FBXL7: variants seen among roughly 807,000 people sequenced by gnomAD.
The protein encoded by FBXL7 is F-box and leucine rich repeat protein 7, also known as F-box/LRR-repeat protein 7.
Under a neutral mutation model 38.3 loss-of-function variants are expected in FBXL7, and 12 were observed. The ratio of observed to expected loss-of-function variants is 0.31; its 90% CI spans 0.20 to 0.51. FBXL7 has a LOEUF of 0.51. Among genes scored for constraint, FBXL7 ranks in the 20% least tolerant of loss-of-function variants. The pLI, the probability that FBXL7 is intolerant of heterozygous loss-of-function variation, is 0.98. For synonymous variants in FBXL7, 297 were observed against 300.9 expected (o/e 0.99, Z 0.13); for missense variants, 567 against 676.4 (o/e 0.84, Z 1.79).
chr5:15,521,593 G>A (rs1737097942), intron 1 of FBXL7, among the ~76,000 whole-genome samples: 1 of 152,092 alleles, frequency 6.6e-6, no homozygotes, highest in South Asian at 2.1e-4. Flanking sequence ...TTTCACTTTG[G>A]GAAACAGAAA....
chr5:15,882,933 A>G (rs1418719396), intron 2 of FBXL7, among the ~76,000 whole-genome samples: 2 of 149,778 alleles, frequency 1.3e-5, no homozygotes, highest in Non-Finnish European at 3.0e-5. Flanking sequence ...TTATAAATTA[A>G]ATGTATTTTC....
At chr5:15,883,623 G>C (rs1372528068) in intron 2 of FBXL7, among the ~76,000 whole-genome samples, 3 of 152,276 alleles carry the variant, frequency 2.0e-5, no homozygotes, top group Admixed American at 6.5e-5. Context: ...GTGATCATAG[G>C]TACATTCCCT....
chr5:15,527,992 C>T (rs886804263), intron 1 of FBXL7, among the ~76,000 whole-genome samples: 4 of 152,204 alleles, frequency 2.6e-5, no homozygotes, highest in Admixed American at 2.6e-4. Flanking sequence ...AGTTGACCAT[C>T]AGAAACAATA....
At chr5:15,669,440 G>A (rs1044578665) in intron 2 of FBXL7, among the ~76,000 whole-genome samples, 2 of 152,182 alleles carry the variant, frequency 1.3e-5, no homozygotes, top group Non-Finnish European at 2.9e-5. Flanking sequence ...GCTGAGCGTG[G>A]CCAATGATTG....
chr5:15,927,819 G>C, intron 2 of FBXL7, 71 bp from the exon 3 acceptor site: 1 of 974,356 alleles, frequency 1.0e-6, no homozygotes. Flanking sequence ...AAAGAAACCA[G>C]TGCTTTTGCT....
chr5:15,773,398 C>CT (rs1187077762), intron 2 of FBXL7, among the ~76,000 whole-genome samples: 1 of 152,076 alleles, frequency 6.6e-6, no homozygotes, highest in South Asian at 2.1e-4. Context: ...AATCCCAGCA[C>CT]TTTGGGAGGC....
intron 1 of FBXL7, among the ~76,000 whole-genome samples, chr5:15,513,606 T>C (rs1368933076): frequency 6.6e-6 from 1 of 152,212 alleles, no homozygotes; most frequent in African/African-American, 2.4e-5. Flanking sequence ...ATGTGATGTC[T>C]CATTGGTGGA....
chr5:15,822,390 T>C (rs1230754490), intron 2 of FBXL7, among the ~76,000 whole-genome samples: 1 of 151,712 alleles, frequency 6.6e-6, no homozygotes, highest in Non-Finnish European at 1.5e-5. Context: ...AAAAGAAACA[T>C]GCAAAAGTGG....
chr5:15,771,305 G>C (rs1736723238), intron 2 of FBXL7, among the ~76,000 whole-genome samples: 1 of 152,158 alleles, frequency 6.6e-6, no homozygotes, highest in Non-Finnish European at 1.5e-5. Flanking sequence ...TGCCTGCCTT[G>C]AAATGGAAAT....
chr5:15,564,565 G>A (rs1738509898), intron 1 of FBXL7, among the ~76,000 whole-genome samples: 1 of 151,826 alleles, frequency 6.6e-6, no homozygotes, highest in Non-Finnish European at 1.5e-5. Flanking sequence ...AAATGAAAAA[G>A]GAGTAAAAAA....
intron 2 of FBXL7, among the ~76,000 whole-genome samples, chr5:15,687,574 A>G (rs1743052068): frequency 2.0e-5 from 3 of 152,216 alleles, no homozygotes; most frequent in African/African-American, 2.4e-5. Flanking sequence ...TATAATAACA[A>G]TAACTACCAT....
chr5:15,765,980 G>A (rs36139170), intron 2 of FBXL7, among the ~76,000 whole-genome samples: 17,929 of 152,090 alleles, frequency 0.12, 1,114 homozygotes, highest in South Asian at 0.16. Context: ...CCCATAGTCT[G>A]TGGGACCTGA....
intron 2 of FBXL7, among the ~76,000 whole-genome samples, chr5:15,645,653 C>T (rs796993104): frequency 5.3e-5 from 8 of 152,324 alleles, no homozygotes; most frequent in African/African-American, 1.9e-4. Context: ...TCTGAATTAA[C>T]TGAGACCTGT....
chr5:15,566,663 T>C (rs1738582231), intron 1 of FBXL7, among the ~76,000 whole-genome samples: 1 of 152,176 alleles, frequency 6.6e-6, no homozygotes, highest in African/African-American at 2.4e-5. Context: ...AGAAGCATAT[T>C]TTATCGCAAA....
chr5:15,807,837 A>C (rs1341969858), intron 2 of FBXL7, among the ~76,000 whole-genome samples: 2 of 152,174 alleles, frequency 1.3e-5, no homozygotes, highest in Non-Finnish European at 2.9e-5. Context: ...CAGTGTTGAT[A>C]TTTTTGCCAG....
chr5:15,837,262 T>G (rs1324549521), intron 2 of FBXL7, among the ~76,000 whole-genome samples: 1 of 152,202 alleles, frequency 6.6e-6, no homozygotes, highest in Admixed American at 6.5e-5. Context: ...TCTTAATCCT[T>G]TCATAAAGCA....
At chr5:15,801,843 G>C (rs1296431417) in intron 2 of FBXL7, among the ~76,000 whole-genome samples, 1 of 151,598 alleles carries the variant, frequency 6.6e-6, no homozygotes. Flanking sequence ...GGGGGGGGCG[G>C]GGTTAGTTTG....
At chr5:15,833,953 A>G (rs1738523162) in intron 2 of FBXL7, among the ~76,000 whole-genome samples, 1 of 152,248 alleles carries the variant, frequency 6.6e-6, no homozygotes, top group Admixed American at 6.5e-5. Context: ...CTACTCTTAG[A>G]ATATAACAGT....
intron 2 of FBXL7, among the ~76,000 whole-genome samples, chr5:15,924,022 C>T (rs925926223): frequency 6.6e-6 from 1 of 152,120 alleles, no homozygotes; most frequent in African/African-American, 2.4e-5. Flanking sequence ...TCTTTCCCTC[C>T]TGGCCCAAAA....
Sources: allele counts gnomAD v4.1 joint callset (sites outside exome capture counted in the v4.1 genomes callset), GRCh38; gene constraint gnomAD v4.1.1; transcripts MANE v1.5; gene names NCBI Gene and HGNC (gene_info 2026-07-23, HGNC 2026-07-21).